The following SLC14A2 variants were observed in gnomAD, a reference collection of about 807,000 sequenced individuals.
SLC14A2 encodes solute carrier family 14 member 2, also known as urea transporter 2.
SLC14A2 carries 91 observed loss-of-function variants against 104.6 expected under a neutral mutation model. The observed-to-expected ratio is 0.87, with a 90% CI of 0.73 to 1.04. The LOEUF is 1.04. SLC14A2 is among the 50% of genes least tolerant of loss of function. SLC14A2 has a pLI of 0.00. For synonymous variants in SLC14A2, 476 were observed against 466.4 expected, an observed-to-expected ratio of 1.02 and a Z score of -0.27; for missense variants, 1,189 against 1,156.0, an observed-to-expected ratio of 1.03 and a Z score of -0.41.
At chr18:45,437,527 C>T (rs1163075377) in intron 1 of SLC14A2, among the ~76,000 whole-genome samples, 2 of 152,166 alleles carry the variant, frequency 1.3e-5, no homozygotes, top group Admixed American at 6.5e-5. Flanking sequence ...GTGGCCCATC[C>T]GCTCCAGCTG....
intron 1 of SLC14A2, among the ~76,000 whole-genome samples, chr18:45,222,198 A>G (rs1177376332): frequency 6.6e-6 from 1 of 152,240 alleles, no homozygotes; most frequent in African/African-American, 2.4e-5. Context: ...TTTCAAATAA[A>G]TTGGACCGTA....
chr18:45,492,894 C>T (rs1445573744), intron 2 of SLC14A2, among the ~76,000 whole-genome samples: 2 of 152,202 alleles, frequency 1.3e-5, no homozygotes, highest in Non-Finnish European at 2.9e-5. Context: ...TTTAGTCAAA[C>T]TTCAACTTGA....
intron 1 of SLC14A2, among the ~76,000 whole-genome samples, chr18:45,616,926 C>T (rs994209792): frequency 5.3e-5 from 8 of 152,126 alleles, no homozygotes; most frequent in East Asian, 1.9e-4. Flanking sequence ...GATGAAACCC[C>T]GTCTCTACTA....
chr18:45,394,001 C>G (rs998722149), intron 1 of SLC14A2, among the ~76,000 whole-genome samples: 3 of 152,202 alleles, frequency 2.0e-5, no homozygotes, highest in African/African-American at 7.2e-5. Flanking sequence ...CCCCTCTCCA[C>G]TCTGTCCTTC....
At chr18:45,637,205 G>A (rs369976915) in intron 6 of SLC14A2, 23 bp downstream of exon 6, 90 of 1,599,524 alleles carry the variant, frequency 5.6e-5, no homozygotes, top group Admixed American at 5.2e-4. Flanking sequence ...GCGGTGATGA[G>A]TTGAGACCCC....
chr18:45,515,949 G>A (rs755254513), intron 2 of SLC14A2, among the ~76,000 whole-genome samples: 1 of 152,178 alleles, frequency 6.6e-6, no homozygotes. Context: ...GGTAACTATA[G>A]GAATTACTAA....
chr18:45,560,378 T>C (rs2044185533), intron 2 of SLC14A2, among the ~76,000 whole-genome samples: 1 of 152,106 alleles, frequency 6.6e-6, no homozygotes, highest in African/African-American at 2.4e-5. Flanking sequence ...GAATCTCCTC[T>C]CCATCCTGGA....
At chr18:45,347,644 C>T (rs1390336201) in intron 1 of SLC14A2, among the ~76,000 whole-genome samples, 2 of 152,216 alleles carry the variant, frequency 1.3e-5, no homozygotes, top group African/African-American at 4.8e-5. Flanking sequence ...TACAGCTTTA[C>T]ACTAAGTCTT....
At chr18:45,205,233 T>A in the SLC14A2 span, among the ~76,000 whole-genome samples, 1 of 152,110 alleles carries the variant, frequency 6.6e-6, no homozygotes, top group Non-Finnish European at 1.5e-5. Flanking sequence ...TCACCATTCA[T>A]CCACTGAGGG....
chr18:45,426,530 C>T lies in SLC14A2; in HGVS notation c.-124-56703C>T, dbSNP rs150010086. On this transcript the variant is annotated intron_variant, in intron 1 of 20. Transcript: ENST00000586448. ...TTATCCCTGATAACACAAGCAGAGCCGAATGAGATCAGCATGTGTGTGTGT... is the reference window on the plus strand; with the variant it reads ...TTATCCCTGATAACACAAGCAGAGCTGAATGAGATCAGCATGTGTGTGTGT... 1.5e-4 allele frequency among the ~76,000 whole-genome samples: 22 copies of T among 147,410 alleles called. No homozygotes were observed. The East Asian group carries it at 2.4e-3, about 16-fold the overall frequency.
At chr18:45,301,425 C>T (rs1040694899) in intron 1 of SLC14A2, among the ~76,000 whole-genome samples, 2 of 152,188 alleles carry the variant, frequency 1.3e-5, no homozygotes, top group Admixed American at 6.5e-5. Flanking sequence ...AGAAGTAGTC[C>T]GTGGAGTCCC....
chr18:45,220,826 G>A (rs1280861772), intron 1 of SLC14A2, among the ~76,000 whole-genome samples: 1 of 152,210 alleles, frequency 6.6e-6, no homozygotes, highest in Non-Finnish European at 1.5e-5. Context: ...AGGCTGGAAG[G>A]CCAAAATTAA....
At chr18:45,405,758 G>A (rs974561914) in intron 1 of SLC14A2, among the ~76,000 whole-genome samples, 1 of 152,038 alleles carries the variant, frequency 6.6e-6, no homozygotes, top group Non-Finnish European at 1.5e-5. Context: ...AATTAGCTGG[G>A]CATTGTGGCA....
At chr18:45,639,544 T>G (rs902106326) in intron 6 of SLC14A2, among the ~76,000 whole-genome samples, 2 of 152,134 alleles carry the variant, frequency 1.3e-5, no homozygotes, top group Non-Finnish European at 2.9e-5. Flanking sequence ...GCATGAGGGA[T>G]GCTCACATGC....
intron 1 of SLC14A2, among the ~76,000 whole-genome samples, chr18:45,417,415 A>C (rs1293185974): frequency 6.6e-6 from 1 of 152,220 alleles, no homozygotes; most frequent in Non-Finnish European, 1.5e-5. Flanking sequence ...ATTGACTCAC[A>C]GTTCTGCATG....
chr18:45,509,580 T>C (rs1391843437), intron 2 of SLC14A2, among the ~76,000 whole-genome samples: 1 of 152,168 alleles, frequency 6.6e-6, no homozygotes, highest in Non-Finnish European at 1.5e-5. Context: ...TTTCAGGTCA[T>C]GGAGGGGACA....
At chr18:45,340,149 G>A (rs77004741) in intron 1 of SLC14A2, among the ~76,000 whole-genome samples, 183 of 152,280 alleles carry the variant, frequency 1.2e-3, no homozygotes, top group Non-Finnish European at 2.4e-3. Flanking sequence ...TGGCCAGCAT[G>A]GAACCCTACC....
At chr18:45,666,533 G>T (rs986991739) in intron 12 of SLC14A2, among the ~76,000 whole-genome samples, 3 of 149,716 alleles carry the variant, frequency 2.0e-5, no homozygotes, top group African/African-American at 7.4e-5. Context: ...TTATGTTTAT[G>T]AACAGTTATA....
intron 2 of SLC14A2, among the ~76,000 whole-genome samples, chr18:45,558,020 T>C (rs1481567087): frequency 6.6e-6 from 1 of 152,134 alleles, no homozygotes; most frequent in East Asian, 1.9e-4. Context: ...ATACCTGGCA[T>C]TATTGAGGGC....
Sources: allele counts gnomAD v4.1 joint callset (sites outside exome capture counted in the v4.1 genomes callset), GRCh38; gene constraint gnomAD v4.1.1; transcripts MANE v1.5; gene names NCBI Gene and HGNC (gene_info 2026-07-23, HGNC 2026-07-21).